POU6F1: variants seen among roughly 807,000 people sequenced by gnomAD.
POU6F1 encodes POU domain, class 6, transcription factor 1.
In POU6F1, 9 loss-of-function variants were observed where a neutral mutation model predicts 28.9. The ratio of observed to expected loss-of-function variants is 0.31; its 90% CI spans 0.19 to 0.54. POU6F1 has a LOEUF of 0.54. POU6F1 is among the 20% of genes least tolerant of loss of function. The pLI is 0.94. For synonymous variants in POU6F1, 173 were observed against 171.1 expected (o/e 1.01, Z -0.09); for missense variants, 338 against 426.1 (o/e 0.79, Z 1.82).
chr12:51,194,148 TC>T (rs1224791027), intron 8 of POU6F1, among the ~76,000 whole-genome samples: 6 of 152,104 alleles, frequency 3.9e-5, no homozygotes, highest in African/African-American at 1.2e-4. Context: ...TACCTCGGCC[TC>T]CCAAGTAGCT....
chr12:51,187,199 CT>C lies in POU6F1; in HGVS notation c.*3047del, dbSNP rs1318117348. ...TAGTCCATTTGGCTGAGTTCTTTCC[CT>C]GGACTTCACCTGGATAAAATGCCGT... On this transcript the variant is annotated 3_prime_UTR_variant, in exon 11 of 11. Coordinates refer to ENST00000333640, the MANE Select transcript of POU6F1 (RefSeq NM_001330422.2). 6.6e-6 allele frequency: 1 copy of C among 152,182 alleles called. No individual in the cohort carries two copies. The highest frequency in any genetic ancestry group is 1.5e-5 in the Non-Finnish European group (1 of 68,034). The allele number at this position is 152,182 out of a possible 1,614,324, so 9.4% of individuals were successfully genotyped here.
chr12:51,191,499 C>T (rs562307684), intron 10 of POU6F1, 97 bp downstream of exon 10: 6 of 1,387,696 alleles, frequency 4.3e-6, no homozygotes, highest in East Asian at 2.4e-5. Flanking sequence ...AGCAAGGGGG[C>T]ATATGGAAAA....
rs562021895 is a variant in POU6F1, at chr12:51,191,534, A to G, written c.1490+62T>C. The stretch of plus-strand genomic sequence containing the variant: ...AGGGGCCGGTGCTCAGGTTCCCATG[A>G]GTGCCCGGTGGCACCAGGCAGCTGA... On this transcript the variant is annotated intron_variant, in intron 10 of 10. Transcript: ENST00000333640. 5.1e-6 allele frequency: 8 copies of G among 1,557,542 alleles called. No homozygotes were observed. In the East Asian group the frequency reaches 6.8e-5, roughly 13 times the overall value.
At chr12:51,203,357 G>A (rs941505099) in intron 3 of POU6F1, among the ~76,000 whole-genome samples, 75 of 152,200 alleles carry the variant, frequency 4.9e-4, no homozygotes, top group African/African-American at 1.8e-3. Flanking sequence ...GAGTGGCAGA[G>A]ATGCAGGGTC....
intron 9 of POU6F1, 125 bp downstream of exon 9, chr12:51,192,205 C>T: frequency 7.5e-7 from 1 of 1,340,924 alleles, no homozygotes; most frequent in Non-Finnish European, 1.0e-6. Context: ...GCCAGCCCCT[C>T]ATATTGGGCC....
At chr12:51,201,206 G>A (rs1008859810) in intron 3 of POU6F1, among the ~76,000 whole-genome samples, 7 of 152,108 alleles carry the variant, frequency 4.6e-5, no homozygotes, top group Non-Finnish European at 7.3e-5. Flanking sequence ...TTTCAACTTG[G>A]GAAGGCGTCA....
chr12:51,206,509 C>CAA (rs995286346), intron 2 of POU6F1, among the ~76,000 whole-genome samples: 1 of 151,176 alleles, frequency 6.6e-6, no homozygotes, highest in African/African-American at 2.4e-5. Context: ...TATGTGTAAG[C>CAA]AAGAAGAAAA....
intron 8 of POU6F1, among the ~76,000 whole-genome samples, chr12:51,194,701 C>T (rs1353339572): frequency 6.6e-6 from 1 of 151,142 alleles, no homozygotes; most frequent in Non-Finnish European, 1.5e-5. Flanking sequence ...CCTTCAGCAT[C>T]AGCAGTTCCC....
chr12:51,205,774 C>T (rs1262067186), intron 2 of POU6F1, among the ~76,000 whole-genome samples: 1 of 151,760 alleles, frequency 6.6e-6, no homozygotes, highest in East Asian at 1.9e-4. Flanking sequence ...TGAGGGGCTT[C>T]ACTCCAATTA....
chr12:51,195,935 C>T (rs1227311714), intron 8 of POU6F1, 35 bp downstream of exon 8: 2 of 1,190,742 alleles, frequency 1.7e-6, no homozygotes, highest in Non-Finnish European at 2.4e-6. Flanking sequence ...GATAGCAGAG[C>T]CTGCCCCACC....
rs1031116483 is a variant in POU6F1 at position 51,192,476 on chromosome 12, G to A, written c.1180-5C>T. 1 of 1,612,382 alleles carries A rather than the reference G, an allele frequency of 6.2e-7. No homozygotes were observed. The highest frequency in any genetic ancestry group is 8.5e-7 in the Non-Finnish European group (1 of 1,179,690). On this transcript the variant is annotated splice_region_variant and splice_polypyrimidine_tract_variant and intron_variant, in intron 8 of 10. Transcript: ENST00000333640. ...TGTGGGCTGGATGGGCTGCACCTGT[G>A]AAAGGACAGACAACAAGCCTTTGCT... is the stretch of plus-strand genomic sequence containing the variant.
In POU6F1 at chr12:51,188,495, T is replaced by C. The variant is rs566031561; in HGVS notation, c.*1752A>G. On this transcript the variant is annotated 3_prime_UTR_variant, in exon 11 of 11. Coordinates refer to ENST00000333640, the MANE Select transcript of POU6F1 (RefSeq NM_001330422.2). ...AAATGCAGCAGAGCGTGTATGTGTG[T>C]GTGTGTGCGCGCGTCTGTGCGCGCT... 1 of 152,404 alleles carries C rather than the reference T, an allele frequency of 6.6e-6. No homozygotes were observed. Among genetic ancestry groups the C allele is most frequent in the South Asian group, 2.1e-4 (1 of 4,830 alleles). The allele number at this position is 152,404 out of a possible 1,614,324, so 9.4% of individuals were successfully genotyped here. A position where few individuals can be genotyped will look rare whatever the true frequency, so the allele number is the denominator to read the frequency against.
At chr12:51,204,037 C>A (rs923398618) in intron 3 of POU6F1, 136 bp downstream of exon 3, 1 of 397,532 alleles carries the variant, frequency 2.5e-6, no homozygotes, top group African/African-American at 2.1e-5. Flanking sequence ...ACCAGAGGCA[C>A]AGGCTGTCCA....
chr12:51,190,738 C>T lies in POU6F1; in HGVS notation c.1491-146G>A, dbSNP rs576007997. ...TACCCAGTGCTCCCCTCACCACCTC[C>T]ACCAAGACCCCTCTAGTTTGGCCAA... On this transcript the variant is annotated intron_variant, in intron 10 of 10. Transcript: ENST00000333640. This position sits in a 1 kb window ranked among gnomAD's most constrained non-coding sequence, Gnocchi z 4.5. 3.9e-6 allele frequency: 5 copies of T among 1,279,732 alleles called. No homozygotes were observed. The African/African-American group carries it at 7.5e-5, about 19-fold the overall frequency. The allele number at this position is 1,279,732 out of a possible 1,614,324, so 79.3% of individuals were successfully genotyped here. A position where few individuals can be genotyped will look rare whatever the true frequency, so the allele number is the denominator to read the frequency against.
At position 51,189,597 on chromosome 12, in the gene POU6F1, A is replaced by T. The variant is rs1262203860; in HGVS notation, c.*650T>A. On this transcript the variant is annotated 3_prime_UTR_variant, in exon 11 of 11. Coordinates refer to ENST00000333640, the MANE Select transcript of POU6F1 (RefSeq NM_001330422.2). ...TTTTCCCCGCAAAGGAACCAGGAAGAGGTGGAAGAGGAGATCCCATGTTCC... is the reference window on the plus strand; with the variant it reads ...TTTTCCCCGCAAAGGAACCAGGAAGTGGTGGAAGAGGAGATCCCATGTTCC... 6.5e-6 allele frequency: 1 copy of T among 152,770 alleles called. No homozygotes were observed. Among genetic ancestry groups the T allele is most frequent in the Non-Finnish European group, 1.5e-5 (1 of 68,430 alleles). 9.5% of individuals were successfully genotyped at this position (152,770 alleles called of 1,614,324 possible).
chr12:51,192,240 G>T, intron 9 of POU6F1, 90 bp downstream of exon 9: 1 of 1,510,814 alleles, frequency 6.6e-7, no homozygotes, highest in Non-Finnish European at 9.0e-7. Context: ...CTGGACCCCA[G>T]GATATCAAGG....
In POU6F1 at chr12:51,204,338, G is replaced by A; in HGVS notation, c.79C>T (p.Arg27Ter). The change falls in exon 3 of 11, where the codon CGA becomes TGA. Residue 27 changes from arginine (R) to a stop codon, truncating the protein, a stop_gained. Coordinates refer to ENST00000333640, the MANE Select transcript of POU6F1 (RefSeq NM_001330422.2). LOFTEE classifies it high-confidence loss of function. ...GCATCCACTCCGACTTCCAGCACTC[G>A]GATGGTCTCATGACCTGACATCACG... The part of the protein sequence containing the change: ...VIVMSGHETI[R>*]VLEVGVDAQL... 2 of 399,352 alleles carry A rather than the reference G, an allele frequency of 5.0e-6. No homozygotes were observed. The highest frequency in any genetic ancestry group is 3.6e-5 in the East Asian group (1 of 28,066). 24.7% of individuals were successfully genotyped at this position (399,352 alleles called of 1,614,324 possible).
At position 51,193,711 on chromosome 12, in the gene POU6F1, G is replaced by C. The variant is rs537313196; in HGVS notation, c.1180-1240C>G. 5.3e-5 allele frequency among the ~76,000 whole-genome samples: 8 copies of C among 152,284 alleles called. No individual in the cohort carries two copies. In the East Asian group the frequency reaches 1.2e-3, roughly 22 times the overall value. On this transcript the variant is annotated intron_variant, in intron 8 of 10. Transcript: ENST00000333640. Reference sequence around the variant, plus strand: ...GCTATCAAAAGAAGTTGTCTCTGGAGTTGGAATTAGAAGGAATTTTTACTT... The same window carrying C: ...GCTATCAAAAGAAGTTGTCTCTGGACTTGGAATTAGAAGGAATTTTTACTT...
chr12:51,193,920 T>C (rs1359155505), intron 8 of POU6F1, among the ~76,000 whole-genome samples: 1 of 152,206 alleles, frequency 6.6e-6, no homozygotes, highest in Non-Finnish European at 1.5e-5. Context: ...CTCAAGTCCA[T>C]TGCTTCTTCA....
Sources: gnomAD v4.1 joint callset for allele counts (sites outside exome capture counted in the v4.1 genomes callset) on GRCh38, gnomAD v4.1.1 for gene constraint, Gnocchi (gnomAD v3.1) non-coding constraint, MANE v1.5 for transcripts, NCBI Gene and HGNC (gene_info 2026-07-23, HGNC 2026-07-21) for gene names.